Variants in PTPRQ observed in about 807,000 individuals in gnomAD.
PTPRQ encodes the protein phosphatidylinositol phosphatase PTPRQ.
In PTPRQ, 199 loss-of-function variants were observed where a neutral mutation model predicts 246.0. The ratio of observed to expected loss-of-function variants is 0.81; its 90% confidence interval spans 0.72 to 0.91. The LOEUF is 0.91. Ranked by LOEUF, PTPRQ falls within the 40% of genes least tolerant of loss-of-function variation. The probability of loss-of-function intolerance (pLI) is 0.00; values close to 1 mark genes in which losing one functional copy is unlikely to be tolerated. For synonymous variants in PTPRQ, 869 were observed against 853.2 expected, an observed-to-expected ratio of 1.02 and a Z score of -0.32; for missense variants, 2,624 against 2,528.4, an observed-to-expected ratio of 1.04 and a Z score of -0.81.
At chr12:80,580,911 T>C (rs1897414383) in intron 25 of PTPRQ, among the ~76,000 whole-genome samples, 1 of 152,206 alleles carries the variant, frequency 6.6e-6, no homozygotes, top group African/African-American at 2.4e-5. Flanking sequence ...CTGGATTTAG[T>C]GGTTTTTCTT....
intron 8 of PTPRQ, among the ~76,000 whole-genome samples, chr12:80,477,194 A>C (rs1893837845): frequency 6.6e-6 from 1 of 152,132 alleles, no homozygotes; most frequent in Admixed American, 6.5e-5. Context: ...GAAATTTGAA[A>C]ATAACATGAT....
At chr12:80,643,335 G>A (rs1338222255) in intron 35 of PTPRQ, among the ~76,000 whole-genome samples, 1 of 151,936 alleles carries the variant, frequency 6.6e-6, no homozygotes, top group Non-Finnish European at 1.5e-5. Flanking sequence ...CTACTCAGGA[G>A]GCTGAGGCAG....
At chr12:80,510,566 T>TTATATATATATATA in intron 17 of PTPRQ, 123 bp downstream of exon 17, 1 of 995,174 alleles carries the variant, frequency 1.0e-6, no homozygotes, top group East Asian at 3.1e-5. Flanking sequence ...AATAGGCTAG[T>TTATATATATATATA]TAATATGTTT....
intron 30 of PTPRQ, among the ~76,000 whole-genome samples, chr12:80,618,705 T>C (rs1898860969): frequency 6.6e-6 from 1 of 151,570 alleles, no homozygotes; most frequent in Non-Finnish European, 1.5e-5. Context: ...GTTGAATAAA[T>C]ATGATGCAGC....
Position 80,521,843 on chromosome 12 carries a change from T to C in PTPRQ, c.2678+11400T>C, listed in dbSNP as rs370066777. On this transcript the variant is annotated intron_variant, in intron 17 of 44. Transcript: ENST00000644991. ...TTGGCTTAGGATTGACTTGGCAATG[T>C]GGGCTCTTTTTTGGTTCCATATGAA... Among the ~76,000 whole-genome samples, 100 of 152,234 alleles carry C rather than the reference T, an allele frequency of 6.6e-4. 1 individual carries two copies. Among genetic ancestry groups the C allele is most frequent in the Admixed American group, 1.8e-3 (27 of 15,292 alleles).
rs188920578 is a variant in PTPRQ at position 80,498,999 on chromosome 12, A to G, written c.2272+2468A>G. On this transcript the variant is annotated intron_variant, in intron 14 of 44. Coordinates refer to ENST00000644991, the MANE Select transcript of PTPRQ (RefSeq NM_001145026.2). ...TATAAATTTTGAGATTTAGTTTAAA[A>G]TGAGAATTTTAATTTTGGAAAGTGT... Among the ~76,000 whole-genome samples, 26 of 152,198 alleles carry G rather than the reference A, an allele frequency of 1.7e-4. No individual in the cohort carries two copies. In the East Asian group the frequency reaches 4.3e-3, roughly 25 times the overall value.
chr12:80,450,410 C>G (rs1892717421), intron 3 of PTPRQ, among the ~76,000 whole-genome samples: 1 of 152,300 alleles, frequency 6.6e-6, no homozygotes, highest in South Asian at 2.1e-4. Flanking sequence ...ACTTCCAACA[C>G]TATGTTGAAT....
Position 80,506,279 on chromosome 12 carries a change from T to C in PTPRQ, c.2455+73T>C, listed in dbSNP as rs7964887. On this transcript the variant is annotated intron_variant, in intron 15 of 44. Transcript: ENST00000644991. ...GTAGCCACAAATATTAGTTTAATGT[T>C]AATAGTTTCAGATTATTTTCATGCA... 256,590 of 1,353,470 alleles carry C rather than the reference T, an allele frequency of 0.19. 26,129 individuals carry two copies. Among genetic ancestry groups the C allele is most frequent in the Middle Eastern group, 0.23 (867 of 3,748 alleles). The allele number at this position is 1,353,470 out of a possible 1,614,324, so 83.8% of individuals were successfully genotyped here.
At chr12:80,505,090 C>T (rs1363109035) in intron 14 of PTPRQ, among the ~76,000 whole-genome samples, 2 of 151,638 alleles carry the variant, frequency 1.3e-5, no homozygotes. Flanking sequence ...AGGGATATCA[C>T]TCATCTTTCA....
chr12:80,502,612 G>T (rs1894836979), intron 14 of PTPRQ, among the ~76,000 whole-genome samples: 1 of 151,918 alleles, frequency 6.6e-6, no homozygotes, highest in Admixed American at 6.6e-5. Flanking sequence ...TGATTACAGT[G>T]ACTGTGGACT....
Position 80,496,361 on chromosome 12 carries a change from T to A in PTPRQ, c.2102T>A (p.Val701Glu), listed in dbSNP as rs532297503. Residue 701 changes from valine to glutamate, a missense_variant, in exon 14 of 45, where the codon GTG becomes GAG. Transcript: ENST00000644991. ...KPNGIIIAYE[V>E]LYKNIDTLYM... Reference sequence around the variant, plus strand: ...AATGGGATCATTATTGCTTATGAAGTGCTATATAAAAATATAGATACTTTA... The same window carrying A: ...AATGGGATCATTATTGCTTATGAAGAGCTATATAAAAATATAGATACTTTA... 7 of 1,550,698 alleles carry A rather than the reference T, an allele frequency of 4.5e-6. No individual in the cohort carries two copies. Among genetic ancestry groups the A allele is most frequent in the Non-Finnish European group, 6.1e-6 (7 of 1,146,396 alleles).
intron 14 of PTPRQ, among the ~76,000 whole-genome samples, chr12:80,502,809 A>G (rs920358981): frequency 2.0e-5 from 3 of 151,880 alleles, no homozygotes; most frequent in Non-Finnish European, 4.4e-5. Flanking sequence ...TTGCCATGAA[A>G]GCCAATGAGG....
chr12:80,460,987 T>G, intron 6 of PTPRQ, 85 bp downstream of exon 6: 1 of 395,580 alleles, frequency 2.5e-6, no homozygotes, highest in Non-Finnish European at 4.5e-6. Context: ...TTTAATCTTC[T>G]TTACCTTTCA....
In PTPRQ at chr12:80,541,559, T is replaced by C. The variant is rs773649778; in HGVS notation, c.3159T>C (p.Pro1053=). 2 of 1,515,290 alleles carry C rather than the reference T, an allele frequency of 1.3e-6. No homozygotes were observed. Among genetic ancestry groups the C allele is most frequent in the Non-Finnish European group, 1.8e-6 (2 of 1,129,422 alleles). 93.9% of individuals were successfully genotyped at this position (1,515,290 alleles called of 1,614,324 possible). Residue 1053 remains proline (P), a synonymous_variant, in exon 21 of 45, where the codon CCT becomes CCC. Coordinates refer to ENST00000644991, the MANE Select transcript of PTPRQ (RefSeq NM_001145026.2). ...IIEVYTDQDI[P]EGFVGNLTYE... ...TTTGCCCATTACCTATCATAGTACC[T>C]GAAGGGTTTGTTGGAAACCTGACTT...
chr12:80,505,312 T>G (rs1894922046), intron 14 of PTPRQ, among the ~76,000 whole-genome samples: 1 of 151,932 alleles, frequency 6.6e-6, no homozygotes. Flanking sequence ...AACTTTCTTT[T>G]CAGCACCACA....
intron 6 of PTPRQ, among the ~76,000 whole-genome samples, chr12:80,466,193 G>T (rs1050625298): frequency 1.3e-5 from 2 of 152,066 alleles, no homozygotes; most frequent in Non-Finnish European, 2.9e-5. Flanking sequence ...AAAATCATAG[G>T]CATTCTTATA....
chr12:80,568,199 T>A (rs867864169), intron 25 of PTPRQ, among the ~76,000 whole-genome samples: 5 of 152,160 alleles, frequency 3.3e-5, no homozygotes, highest in Non-Finnish European at 7.4e-5. Context: ...TATAAATGTA[T>A]GTGAAAACAA....
At chr12:80,593,898 C>T (rs557643741) in intron 26 of PTPRQ, among the ~76,000 whole-genome samples, 2 of 151,732 alleles carry the variant, frequency 1.3e-5, no homozygotes, top group South Asian at 2.1e-4. Flanking sequence ...TCATAATGTG[C>T]GTCTCCTATA....
chr12:80,646,036 A>G (rs1265739800), intron 35 of PTPRQ, among the ~76,000 whole-genome samples: 1 of 152,184 alleles, frequency 6.6e-6, no homozygotes, highest in Non-Finnish European at 1.5e-5. Flanking sequence ...ATTTTAGCAC[A>G]ATATAGTCTA....
Sources: gnomAD v4.1 joint callset for allele counts (sites outside exome capture counted in the v4.1 genomes callset) on GRCh38, gnomAD v4.1.1 for gene constraint, MANE v1.5 for transcripts, NCBI Gene and HGNC (gene_info 2026-07-23, HGNC 2026-07-21) for gene names.